Variants in SNCAIP observed in about 807,000 individuals in gnomAD.
SNCAIP encodes the protein synphilin-1.
Under a neutral mutation model 86.7 loss-of-function variants are expected in SNCAIP, and 43 were observed. The observed-to-expected ratio is 0.50, with a 90% confidence interval of 0.39 to 0.64. The LOEUF (loss-of-function observed/expected upper bound fraction) is 0.64, where lower values mean the gene tolerates loss of function less well. SNCAIP is among the 30% of genes least tolerant of loss of function. SNCAIP has a pLI of 0.00. For synonymous variants in SNCAIP, 417 were observed against 427.2 expected, an observed-to-expected ratio of 0.98 and a Z score of 0.29; for missense variants, 981 against 1,103.1, an observed-to-expected ratio of 0.89 and a Z score of 1.57.
intron 1 of SNCAIP, 80 bp downstream of exon 1, chr5:122,312,364 A>C (rs1220014214): frequency 6.6e-6 from 1 of 152,426 alleles, no homozygotes; most frequent in African/African-American, 2.4e-5. Context: ...AGTTTGCACC[A>C]GGCGACCCCG....
chr5:122,384,053 G>A (rs1696880598), intron 1 of SNCAIP, among the ~76,000 whole-genome samples: 1 of 152,170 alleles, frequency 6.6e-6, no homozygotes, highest in African/African-American at 2.4e-5. Flanking sequence ...GGAAAGAAGG[G>A]TAATTCATTT....
chr5:122,348,969 A>G (rs1759225283), intron 1 of SNCAIP, among the ~76,000 whole-genome samples: 1 of 152,188 alleles, frequency 6.6e-6, no homozygotes, highest in African/African-American at 2.4e-5. Context: ...TCCTTGTGAT[A>G]TAATTTTTAA....
At chr5:122,417,587 A>G (rs547605844) in intron 3 of SNCAIP, among the ~76,000 whole-genome samples, 7 of 152,196 alleles carry the variant, frequency 4.6e-5, no homozygotes, top group Non-Finnish European at 1.0e-4. Context: ...AGGTGACTTC[A>G]TTGTGTCAGA....
At chr5:122,430,823 A>T (rs1020601945) in intron 5 of SNCAIP, among the ~76,000 whole-genome samples, 7 of 152,080 alleles carry the variant, frequency 4.6e-5, no homozygotes, top group African/African-American at 1.7e-4. Flanking sequence ...CTTTTACTTG[A>T]TCCTAAAGGT....
intron 5 of SNCAIP, among the ~76,000 whole-genome samples, chr5:122,428,897 C>G (rs560196837): frequency 6.6e-6 from 1 of 152,126 alleles, no homozygotes; most frequent in East Asian, 1.9e-4. Flanking sequence ...CCAGCTTCAT[C>G]CATGCCGCTA....
At chr5:122,358,203 GTA>G (rs1214552209) in intron 1 of SNCAIP, among the ~76,000 whole-genome samples, 3,616 of 130,246 alleles carry the variant, frequency 0.028, 130 homozygotes, top group African/African-American at 0.096. Context: ...GTGTGTGTGT[GTA>G]TATATATATA....
intron 8 of SNCAIP, 142 bp from the exon 9 acceptor site, chr5:122,449,703 T>C (rs2737092): frequency 0.38 from 258,099 of 679,532 alleles, 50,556 homozygotes; most frequent in South Asian, 0.41. Flanking sequence ...TTTCTGAACC[T>C]GTAAGGATGA....
chr5:122,383,939 C>T (rs1767540427), intron 1 of SNCAIP, among the ~76,000 whole-genome samples: 1 of 152,150 alleles, frequency 6.6e-6, no homozygotes, highest in African/African-American at 2.4e-5. Flanking sequence ...TAGACTAGTT[C>T]AGGGATACCT....
chr5:122,425,563 T>C (rs1201973778), intron 5 of SNCAIP, 32 bp downstream of exon 5: 5 of 1,573,624 alleles, frequency 3.2e-6, no homozygotes, highest in East Asian at 2.2e-5. Context: ...CCTCCACAGC[T>C]AGAAGCTGGA....
chr5:122,340,200 T>A (rs763602685), intron 1 of SNCAIP, among the ~76,000 whole-genome samples: 35 of 152,182 alleles, frequency 2.3e-4, no homozygotes, highest in Non-Finnish European at 4.0e-4. Flanking sequence ...TGTGTTGAGT[T>A]TCCTTTTGTT....
chr5:122,371,158 A>G (rs537888833), intron 1 of SNCAIP, among the ~76,000 whole-genome samples: 2 of 152,164 alleles, frequency 1.3e-5, no homozygotes, highest in East Asian at 3.9e-4. Flanking sequence ...TACAAAAAAA[A>G]TTAAAAATTG....
At chr5:122,444,797 C>T in intron 8 of SNCAIP, 65 bp downstream of exon 8, 2 of 1,328,782 alleles carry the variant, frequency 1.5e-6, no homozygotes, top group East Asian at 2.3e-5. Flanking sequence ...TAGGCTTCAG[C>T]CCCATGCTGT....
intron 1 of SNCAIP, among the ~76,000 whole-genome samples, chr5:122,390,527 T>C: frequency 6.6e-6 from 1 of 152,228 alleles, no homozygotes; most frequent in East Asian, 1.9e-4. Flanking sequence ...TGCACTTAGA[T>C]CCTCTTTCTT....
chr5:122,373,937 C>T (rs1764759536), intron 1 of SNCAIP, among the ~76,000 whole-genome samples: 1 of 152,114 alleles, frequency 6.6e-6, no homozygotes, highest in Non-Finnish European at 1.5e-5. Flanking sequence ...GTATATATCC[C>T]AGTTTAAATT....
At chr5:122,372,570 T>G (rs1764489523) in intron 1 of SNCAIP, among the ~76,000 whole-genome samples, 1 of 152,206 alleles carries the variant, frequency 6.6e-6, no homozygotes, top group African/African-American at 2.4e-5. Context: ...AGTGAGTTCA[T>G]GCCAGATTAC....
intron 1 of SNCAIP, among the ~76,000 whole-genome samples, chr5:122,358,197 GTGTGTGTATA>G (rs1163086194): frequency 5.8e-5 from 6 of 103,178 alleles, no homozygotes; most frequent in African/African-American, 1.6e-4. Flanking sequence ...GTGTGTGTGT[GTGTGTGTATA>G]TATATATATA....
At chr5:122,401,107 G>T (rs1467931512) in intron 2 of SNCAIP, 2 of 1,549,798 alleles carry the variant, frequency 1.3e-6, no homozygotes, top group African/African-American at 1.4e-5. Context: ...CTGGGAGCTT[G>T]CCATTGTCCT....
At chr5:122,378,083 T>A (rs1765764404) in intron 1 of SNCAIP, among the ~76,000 whole-genome samples, 1 of 147,208 alleles carries the variant, frequency 6.8e-6, no homozygotes, top group Non-Finnish European at 1.5e-5. Flanking sequence ...TCAAATGGTA[T>A]TTCTAGTTCT....
chr5:122,403,646 C>T, intron 2 of SNCAIP, 147 bp from the exon 3 acceptor site: 1 of 769,128 alleles, frequency 1.3e-6, no homozygotes, highest in Non-Finnish European at 2.4e-6. Context: ...CACCACGCAG[C>T]CCATTTAGGG....
Sources: allele counts gnomAD v4.1 joint callset (sites outside exome capture counted in the v4.1 genomes callset), GRCh38; gene constraint gnomAD v4.1.1; transcripts MANE v1.5; gene names NCBI Gene and HGNC (gene_info 2026-07-23, HGNC 2026-07-21).